CR1: variants seen among roughly 807,000 people sequenced by gnomAD.
CR1 encodes complement receptor type 1.
A neutral mutation model predicts 187.3 loss-of-function variants in CR1; 116 were observed. That is an observed-to-expected ratio of 0.62 (90% confidence interval 0.53 to 0.72). The LOEUF (loss-of-function observed/expected upper bound fraction) is 0.72, where lower values mean the gene tolerates loss of function less well. CR1 is among the 30% of genes least tolerant of loss of function. CR1 has a pLI of 0.00. For synonymous variants in CR1, 576 were observed against 747.1 expected, an observed-to-expected ratio of 0.77 and a Z score of 3.73; for missense variants, 1,731 against 2,110.7, an observed-to-expected ratio of 0.82 and a Z score of 3.52.
Position 207,506,782 on chromosome 1 carries a change from G to A in CR1, c.370G>A (p.Gly124Arg), listed in dbSNP as rs55962594. The A allele has an allele frequency of 3.7e-5, 60 of 1,613,320 alleles. No homozygotes were observed. The Middle Eastern group carries it at 6.6e-4, about 18-fold the overall frequency. ...GCATGTGATCAAAGGCATCCAGTTC[G>A]GATCCCAAATTAAATATTCTTGTAC... ...MVHVIKGIQF[G>R]SQIKYSCTKG... The change falls in exon 3 of 47, where the codon GGA becomes AGA. Residue 124 changes from glycine to arginine, a missense_variant. Physicochemically the swap from Gly to Arg is moderately radical, Grantham distance 125. Coordinates refer to ENST00000367049, the MANE Select transcript of CR1 (RefSeq NM_000651.6).
At position 207,606,358 on chromosome 1, in the gene CR1, C is replaced by G. The variant is rs1317594643; in HGVS notation, c.5811-893C>G. 2.0e-5 allele frequency: 3 copies of G among 152,284 alleles called. 1 individual carries two copies. In the South Asian group the frequency reaches 6.2e-4, roughly 32 times the overall value. The allele number at this position is 152,284 out of a possible 1,614,324, so 9.4% of individuals were successfully genotyped here. On this transcript the variant is annotated intron_variant, in intron 35 of 46. Coordinates refer to ENST00000367049, the MANE Select transcript of CR1 (RefSeq NM_000651.6). ...CCTTTATTGCAGGTGGCCAATGGCC[C>G]AGTTAAAAATAGAGGGTTCCATTAC...
At chr1:207,596,474 T>C (rs1174938265) in intron 35 of CR1, among the ~76,000 whole-genome samples, 1 of 151,444 alleles carries the variant, frequency 6.6e-6, no homozygotes, top group Non-Finnish European at 1.5e-5. Context: ...ATTAGCCAGG[T>C]GTGGTGGCGC....
At chr1:207,498,887 A>AAAAAAAAG (rs1553284415) in intron 1 of CR1, among the ~76,000 whole-genome samples, 4 of 149,156 alleles carry the variant, frequency 2.7e-5, no homozygotes, top group Admixed American at 6.7e-5. Flanking sequence ...CAAAAAAAAA[A>AAAAAAAAG]AAAAAAGAAA....
chr1:207,506,107 C>G (rs529259441), intron 2 of CR1, 24 bp downstream of exon 2: 13 of 1,606,180 alleles, frequency 8.1e-6, no homozygotes, highest in Non-Finnish European at 1.1e-5. Flanking sequence ...GAGTGGGAAC[C>G]CCCCTGTTAG....
chr1:207,567,707 T>C (rs1253341831), intron 24 of CR1, 117 bp from the exon 25 acceptor site: 23 of 1,354,556 alleles, frequency 1.7e-5, no homozygotes, highest in South Asian at 2.6e-5. Context: ...AAAGTCCTAA[T>C]GTCTACTGTC....
At chr1:207,503,847 C>T (rs1015385539) in intron 1 of CR1, among the ~76,000 whole-genome samples, 2 of 152,130 alleles carry the variant, frequency 1.3e-5, no homozygotes, top group African/African-American at 4.8e-5. Context: ...GAGTTCATTA[C>T]CATTAGGGTC....
chr1:207,609,911 C>G (rs1475491474), intron 37 of CR1, among the ~76,000 whole-genome samples: 2 of 152,114 alleles, frequency 1.3e-5, no homozygotes, highest in Non-Finnish European at 2.9e-5. Flanking sequence ...ACATTTACAG[C>G]AAATATATGA....
At chr1:207,615,637 G>T (rs1205791176) in intron 40 of CR1, among the ~76,000 whole-genome samples, 1 of 152,248 alleles carries the variant, frequency 6.6e-6, no homozygotes, top group East Asian at 1.9e-4. Context: ...CTGATTATTA[G>T]AAAATGTTTA....
chr1:207,609,197 T>C, intron 36 of CR1, 93 bp from the exon 37 acceptor site: 1 of 1,198,530 alleles, frequency 8.3e-7, no homozygotes, highest in Non-Finnish European at 1.1e-6. Flanking sequence ...ATTTAGAAAA[T>C]CATTGGATTA....
intron 45 of CR1, among the ~76,000 whole-genome samples, chr1:207,627,168 A>ACTAGTACT (rs1662506371): frequency 6.6e-6 from 1 of 152,266 alleles, no homozygotes. Flanking sequence ...GGTCTACTTT[A>ACTAGTACT]ACTATCCTAG....
intron 28 of CR1, 108 bp downstream of exon 28, chr1:207,575,788 A>G: frequency 1.3e-6 from 2 of 1,542,876 alleles, no homozygotes; most frequent in Non-Finnish European, 1.8e-6. Context: ...TATCCTTCTG[A>G]TATTTGAAGA....
At position 207,517,206 on chromosome 1, in the gene CR1, A is replaced by G. The variant is rs4844602; in HGVS notation, c.487+5552A>G. On this transcript the variant is annotated intron_variant, in intron 4 of 46. Transcript: ENST00000367049. ...TACATTGATTGATGTTTAAAAGACAAACGCTGAATTCCTAGAATAAACCTA... is the reference window on the plus strand; with the variant it reads ...TACATTGATTGATGTTTAAAAGACAGACGCTGAATTCCTAGAATAAACCTA... Among the ~76,000 whole-genome samples the G allele has an allele frequency of 2.8e-3, 432 of 152,270 alleles. 7 individuals carry two copies. The highest frequency in any genetic ancestry group is 0.021 in the Admixed American group (327 of 15,288).
chr1:207,581,153 C>T (rs191744363), intron 31 of CR1, among the ~76,000 whole-genome samples: 21 of 151,228 alleles, frequency 1.4e-4, no homozygotes, highest in Admixed American at 4.6e-4. Flanking sequence ...TATATGTATA[C>T]GTATACATGT....
In CR1 at chr1:207,630,512, A is replaced by G. The variant is rs747024127; in HGVS notation, c.7353-5A>G. 6.4e-7 allele frequency: 1 copy of G among 1,569,312 alleles called. No individual in the cohort carries two copies. Among genetic ancestry groups the G allele is most frequent in the Non-Finnish European group, 8.6e-7 (1 of 1,157,500 alleles). Reference sequence around the variant, plus strand: ...AGTTTTTCTATTTTTTTCTCTGCCAATTAGCAATAATGCACATGAAAACCC... The same window carrying G: ...AGTTTTTCTATTTTTTTCTCTGCCAGTTAGCAATAATGCACATGAAAACCC... On this transcript the variant is annotated splice_region_variant and splice_polypyrimidine_tract_variant and intron_variant, in intron 45 of 46. Transcript: ENST00000367049.
chr1:207,612,193 G>T (rs527988201), intron 39 of CR1, among the ~76,000 whole-genome samples, 152 bp downstream of exon 39: 1 of 152,272 alleles, frequency 6.6e-6, no homozygotes, highest in South Asian at 2.1e-4. Context: ...TAAGGGTAGG[G>T]ACTAAGTGGC....
At chr1:207,617,610 TATAGAGAGAGAGAGAGAGAGAGAGAG>T (rs1470873997) in intron 41 of CR1, among the ~76,000 whole-genome samples, 90 of 9,284 alleles carry the variant, frequency 9.7e-3, no homozygotes, top group Non-Finnish European at 0.013. Context: ...TATATATATA[TATAGAGAGAGAGAGAGAGAGAGAGAG>T]AGAGAGAGAG....
intron 3 of CR1, chr1:207,507,276 A>C (rs933054689): frequency 2.6e-5 from 4 of 153,084 alleles, no homozygotes; most frequent in African/African-American, 9.6e-5. Context: ...CCGGAGGCTG[A>C]AAGTGCAAAA....
chr1:207,574,932 G>A (rs548730048), intron 27 of CR1, among the ~76,000 whole-genome samples: 2 of 152,260 alleles, frequency 1.3e-5, no homozygotes, highest in South Asian at 2.1e-4. Flanking sequence ...GACAAGGAAT[G>A]CATTTGTCTC....
In CR1 at chr1:207,614,416, A is replaced by G. The variant is rs1314104637; in HGVS notation, c.6588A>G (p.Lys2196=). Reference sequence around the variant, plus strand: ...TTTTTTTCTTTAGGTTCCGATTAAAAGGCAGGTCTGCTAGTCATTGTGTCT... The same window carrying G: ...TTTTTTTCTTTAGGTTCCGATTAAAGGGCAGGTCTGCTAGTCATTGTGTCT... The part of the protein sequence containing the change: ...SFVCDEGFRL[K]GRSASHCVLA... The change falls in exon 40 of 47, where the codon AAA becomes AAG. Residue 2196 remains lysine, a synonymous_variant. Coordinates refer to ENST00000367049, the MANE Select transcript of CR1 (RefSeq NM_000651.6). The G allele has an allele frequency of 2.5e-6, 4 of 1,610,240 alleles. No homozygotes were observed. The African/African-American group carries it at 5.3e-5, about 22-fold the overall frequency.
Sources: gnomAD v4.1 joint callset for allele counts (sites outside exome capture counted in the v4.1 genomes callset) on GRCh38, gnomAD v4.1.1 for gene constraint, MANE v1.5 for transcripts, NCBI Gene and HGNC (gene_info 2026-07-23, HGNC 2026-07-21) for gene names.